Variants in KCNQ3 observed in about 807,000 individuals in gnomAD.
The protein encoded by KCNQ3 is potassium voltage-gated channel subfamily Q member 3.
Under a neutral mutation model 92.5 loss-of-function variants are expected in KCNQ3, and 30 were observed. The observed-to-expected ratio is 0.32, with a 90% CI of 0.24 to 0.44. KCNQ3 has a LOEUF of 0.44. Among genes scored for constraint, KCNQ3 ranks in the 20% least tolerant of loss-of-function variants. KCNQ3 has a pLI of 1.00. For missense variants in KCNQ3, 913 were observed against 1,140.3 expected (o/e 0.80, Z 2.87); for synonymous variants, 450 against 468.8 (o/e 0.96, Z 0.52).
chr8:132,343,302 T>G (rs1309718609), intron 1 of KCNQ3, among the ~76,000 whole-genome samples: 1 of 152,192 alleles, frequency 6.6e-6, no homozygotes, highest in Non-Finnish European at 1.5e-5. Flanking sequence ...GGAAGACACA[T>G]CTTTGTTTAT....
intron 1 of KCNQ3, among the ~76,000 whole-genome samples, chr8:132,219,905 TG>T (rs957963487): frequency 6.6e-6 from 1 of 150,894 alleles, no homozygotes; most frequent in Non-Finnish European, 1.5e-5. Flanking sequence ...ATTTTACAGA[TG>T]AGAAAAATGA....
intron 1 of KCNQ3, among the ~76,000 whole-genome samples, chr8:132,329,685 G>A: frequency 6.6e-6 from 1 of 152,182 alleles, no homozygotes; most frequent in East Asian, 1.9e-4. Context: ...GTATTACCAA[G>A]AGGCTGGCAC....
At chr8:132,187,864 G>A (rs1323500040) in intron 1 of KCNQ3, among the ~76,000 whole-genome samples, 1 of 91,394 alleles carries the variant, frequency 1.1e-5, no homozygotes, top group Non-Finnish European at 2.2e-5. Flanking sequence ...GATGGTGGTG[G>A]TGGTGGTGAT....
rs540743679 is a variant in KCNQ3 at position 132,357,031 on chromosome 8, CAACA to C, written c.386+123112_386+123115del. Among the ~76,000 whole-genome samples the C allele has an allele frequency of 5.3e-3, 801 of 151,910 alleles. 10 individuals carry two copies. Among genetic ancestry groups the C allele is most frequent in the African/African-American group, 0.013 (525 of 41,280 alleles). On this transcript the variant is annotated intron_variant, in intron 1 of 14. Coordinates refer to ENST00000388996, the MANE Select transcript of KCNQ3 (RefSeq NM_004519.4). ...TTAACAACAACAACAACAACAACAACAACAAAAACTAAGGGCCTTGGAATTCTGG... is the reference window on the plus strand; with the variant it reads ...TTAACAACAACAACAACAACAACAACAAAACTAAGGGCCTTGGAATTCTGG...
intron 1 of KCNQ3, among the ~76,000 whole-genome samples, chr8:132,299,093 C>CTT (rs1051948281): frequency 7.2e-6 from 1 of 138,032 alleles, no homozygotes; most frequent in Non-Finnish European, 1.6e-5. Flanking sequence ...TTTTTAGTTT[C>CTT]TTTTTTTTTT....
At chr8:132,296,884 T>C (rs1373533473) in intron 1 of KCNQ3, among the ~76,000 whole-genome samples, 1 of 152,102 alleles carries the variant, frequency 6.6e-6, no homozygotes, top group African/African-American at 2.4e-5. Flanking sequence ...GCATGATTTA[T>C]AATCCTTTGG....
intron 8 of KCNQ3, among the ~76,000 whole-genome samples, chr8:132,164,349 T>A (rs1826080535): frequency 6.6e-6 from 1 of 150,802 alleles, no homozygotes; most frequent in Admixed American, 6.6e-5. Context: ...TCGTTTTTTT[T>A]TTTTCTTGTC....
chr8:132,458,784 G>A (rs1469623450), intron 1 of KCNQ3, among the ~76,000 whole-genome samples: 4 of 152,196 alleles, frequency 2.6e-5, no homozygotes, highest in Admixed American at 1.3e-4. Flanking sequence ...GAGAAATACT[G>A]ATACTGTAGT....
At chr8:132,140,053 A>AG (rs1825233204) in intron 11 of KCNQ3, 23 bp downstream of exon 11, 1 of 1,523,510 alleles carries the variant, frequency 6.6e-7, no homozygotes, top group Non-Finnish European at 8.9e-7. Flanking sequence ...ACACAGGCAC[A>AG]GGTGGGACCG....
intron 1 of KCNQ3, among the ~76,000 whole-genome samples, chr8:132,413,866 G>A (rs528999062): frequency 9.2e-5 from 14 of 152,306 alleles, no homozygotes. Flanking sequence ...ACGTGACTGG[G>A]GAATCCCATC....
intron 1 of KCNQ3, among the ~76,000 whole-genome samples, chr8:132,220,574 T>C (rs950713860): frequency 6.6e-6 from 1 of 151,892 alleles, no homozygotes; most frequent in African/African-American, 2.4e-5. Flanking sequence ...CATGGTGAAA[T>C]CCTGTCTCTA....
chr8:132,347,622 G>A (rs1381818647), intron 1 of KCNQ3, among the ~76,000 whole-genome samples: 1 of 152,098 alleles, frequency 6.6e-6, no homozygotes, highest in African/African-American at 2.4e-5. Context: ...AGAAGATCTT[G>A]TTTTAAATAA....
intron 1 of KCNQ3, among the ~76,000 whole-genome samples, chr8:132,430,564 C>T (rs893499217): frequency 1.3e-5 from 2 of 152,176 alleles, no homozygotes; most frequent in African/African-American, 4.8e-5. Flanking sequence ...GGGGCCTTCC[C>T]GACTGTCCTA....
At chr8:132,384,365 G>A (rs548999890) in intron 1 of KCNQ3, among the ~76,000 whole-genome samples, 1 of 152,354 alleles carries the variant, frequency 6.6e-6, no homozygotes, top group Non-Finnish European at 1.5e-5. Flanking sequence ...AGATAGGAAG[G>A]AAGTAAACAT....
chr8:132,452,987 T>C (rs906513373), intron 1 of KCNQ3, among the ~76,000 whole-genome samples: 1 of 146,716 alleles, frequency 6.8e-6, no homozygotes, highest in Non-Finnish European at 1.5e-5. Context: ...GACAGGGTGC[T>C]TGGAAGGATA....
intron 1 of KCNQ3, among the ~76,000 whole-genome samples, chr8:132,365,215 A>G (rs1819285027): frequency 6.6e-6 from 1 of 152,262 alleles, no homozygotes; most frequent in Non-Finnish European, 1.5e-5. Context: ...TAATGAACAA[A>G]GGTTAAACCT....
intron 1 of KCNQ3, among the ~76,000 whole-genome samples, chr8:132,320,516 C>T (rs1817866227): frequency 6.6e-6 from 1 of 152,122 alleles, no homozygotes; most frequent in Admixed American, 6.5e-5. Context: ...GTCCATCAGC[C>T]AGAGCCACTT....
intron 1 of KCNQ3, chr8:132,447,368 G>A: frequency 1.2e-6 from 1 of 848,412 alleles, no homozygotes; most frequent in Non-Finnish European, 1.9e-6. Context: ...AAGGTTTCTA[G>A]GACACAGATG....
intron 1 of KCNQ3, among the ~76,000 whole-genome samples, chr8:132,187,379 G>A (rs893945912): frequency 7.2e-5 from 11 of 152,164 alleles, no homozygotes; most frequent in Non-Finnish European, 4.4e-5. Flanking sequence ...GGATGGAAAT[G>A]TCTCCTTCTG....
Sources: gnomAD v4.1 joint callset for allele counts (sites outside exome capture counted in the v4.1 genomes callset) on GRCh38, gnomAD v4.1.1 for gene constraint, MANE v1.5 for transcripts, NCBI Gene and HGNC (gene_info 2026-07-23, HGNC 2026-07-21) for gene names.